The following WEE2 variants were observed in gnomAD, a reference collection of about 807,000 sequenced individuals.
The protein encoded by WEE2 is WEE2 oocyte meiosis inhibiting kinase.
Under a neutral mutation model 60.1 loss-of-function variants are expected in WEE2, and 50 were observed. The observed-to-expected ratio is 0.83, with a 90% CI of 0.66 to 1.05. The LOEUF is 1.05. Ranked by LOEUF, WEE2 falls within the 50% of genes least tolerant of loss-of-function variation. The pLI, the probability that WEE2 is intolerant of heterozygous loss-of-function variation, is 0.00. For missense variants in WEE2, 631 were observed against 684.3 expected (o/e 0.92, Z 0.87); for synonymous variants, 240 against 241.0 (o/e 1.00, Z 0.04).
Position 141,725,115 on chromosome 7 carries a change from T to C in WEE2, c.1311T>C (p.Gly437=). ...AAGAESLPTN[G]AAWHHIRKGN... ...GAGCAGAGTCATTGCCCACCAATGG[T>C]GCTGCATGGCACCATATCCGCAAGG... is the stretch of plus-strand genomic sequence containing the variant. The change falls in exon 9 of 12, where the codon GGT becomes GGC. Residue 437 remains glycine, a synonymous_variant. Transcript: ENST00000397541. 6.2e-7 allele frequency: 1 copy of C among 1,614,216 alleles called. No individual in the cohort carries two copies. The highest frequency in any genetic ancestry group is 1.1e-5 in the South Asian group (1 of 91,086).
chr7:141,716,331 TC>T, intron 3 of WEE2, 64 bp downstream of exon 3: 1 of 1,480,064 alleles, frequency 6.8e-7, no homozygotes. Context: ...TTTCTCTTCT[TC>T]CCCTCCCCTT....
chr7:141,710,271 G>A (rs1171364842), intron 1 of WEE2, among the ~76,000 whole-genome samples: 3 of 152,186 alleles, frequency 2.0e-5, no homozygotes, highest in Admixed American at 6.5e-5. Context: ...GTCAGAACCC[G>A]CTGGACAGAT....
In WEE2 at chr7:141,723,978, C is replaced by T. The variant is rs377624307; in HGVS notation, c.1065C>T (p.Ser355=). ...IFICHKMQSE[S]SGVIEEVENE... ...TTTGTCACAAGATGCAAAGTGAATC[C>T]TCTGGAGTCATAGAAGAAGTTGAAA... Residue 355 remains serine, a synonymous_variant, in exon 7 of 12, where the codon TCC becomes TCT. Transcript: ENST00000397541. 21 of 1,612,524 alleles carry T rather than the reference C, an allele frequency of 1.3e-5. No homozygotes were observed. The African/African-American group carries it at 1.9e-4, about 14-fold the overall frequency.
Position 141,723,231 on chromosome 7 carries a change from C to T in WEE2, c.978C>T (p.Gly326=). The T allele has an allele frequency of 6.2e-7, 1 of 1,614,134 alleles. No homozygotes were observed. Among genetic ancestry groups the T allele is most frequent in the Non-Finnish European group, 8.5e-7 (1 of 1,180,024 alleles). Residue 326 remains glycine (G), a synonymous_variant, in exon 6 of 12, where the codon GGC becomes GGT. Coordinates refer to ENST00000397541, the MANE Select transcript of WEE2 (RefSeq NM_001105558.1). ...LKDILLQISL[G]LNYIHNSSMV... ...ACATCCTTCTACAGATTTCCCTTGG[C>T]CTTAATTACATCCACAACTCTAGCA... is the stretch of plus-strand genomic sequence containing the variant.
intron 9 of WEE2, 43 bp from the exon 10 acceptor site, chr7:141,727,261 T>G: frequency 6.3e-7 from 1 of 1,578,630 alleles, no homozygotes; most frequent in Non-Finnish European, 8.6e-7. Flanking sequence ...TTTTTCCCAA[T>G]AGTGAAGCTT....
rs1293606321 is a variant in WEE2 at position 141,714,317 on chromosome 7, G to C, written c.451G>C (p.Ala151Pro). The change falls in exon 2 of 12, where the codon GCT becomes CCT. Residue 151 changes from alanine (A) to proline (P), a missense_variant. Ala to Pro is a conservative substitution (Grantham distance 27). Transcript: ENST00000397541. ...APLKDEMTSL[A>P]LVNINPFTPE... ...CCTCAAGGATGAGATGACCTCATTG[G>C]CTCTGGTCAATATTAATCCCTTCAC... 2 of 1,613,734 alleles carry C rather than the reference G, an allele frequency of 1.2e-6. No individual in the cohort carries two copies. The highest frequency in any genetic ancestry group is 8.5e-7 in the Non-Finnish European group (1 of 1,179,772).
Position 141,708,820 on chromosome 7 carries a change from A to T in WEE2, c.62A>T (p.Glu21Val), listed in dbSNP as rs376597257. Residue 21 changes from glutamate to valine, a missense_variant, in exon 1 of 12, where the codon GAG becomes GTG. Coordinates refer to ENST00000397541, the MANE Select transcript of WEE2 (RefSeq NM_001105558.1). The stretch of plus-strand genomic sequence containing the variant: ...AAATTAAACTTTTCCTATTGTGAGG[A>T]GACTGAGATTGAAGGGCAGAAGAAA... ...RQKLNFSYCEETEIEGQKKVE... is the reference protein window; with the variant it reads ...RQKLNFSYCEVTEIEGQKKVE... The T allele has an allele frequency of 4.3e-6, 7 of 1,614,038 alleles. No individual in the cohort carries two copies. The South Asian group carries it at 7.7e-5, about 18-fold the overall frequency.
chr7:141,728,047 C>T (rs983666281), intron 10 of WEE2: 1 of 152,260 alleles, frequency 6.6e-6, no homozygotes, highest in African/African-American at 2.4e-5. Context: ...TGGGGCTCAT[C>T]GATTGCACTC....
rs763141138 is a variant in WEE2, at chr7:141,727,402, A to G, written c.1491A>G (p.Gln497=). 2.5e-6 allele frequency: 4 copies of G among 1,614,078 alleles called. No homozygotes were observed. In the Admixed American group the frequency reaches 5.0e-5, roughly 20 times the overall value. The change falls in exon 10 of 12, where the codon CAA becomes CAG. Residue 497 remains glutamine, a synonymous_variant. Transcript: ENST00000397541. Reference sequence around the variant, plus strand: ...CCCTGGGAAAAACAGAAGAGCTCCAACAGCAGCTGAATTTGGAAAAGTTCA... The same window carrying G: ...CCCTGGGAAAAACAGAAGAGCTCCAGCAGCAGCTGAATTTGGAAAAGTTCA... ...RPSLGKTEEL[Q]QQLNLEKFKT...
chr7:141,717,924 G>C (rs1252956027), intron 3 of WEE2, among the ~76,000 whole-genome samples: 5 of 152,088 alleles, frequency 3.3e-5, no homozygotes, highest in Admixed American at 3.3e-4. Flanking sequence ...AGAAGGTCTT[G>C]AGGCTTTCTT....
chr7:141,714,951 A>G (rs1798771778), intron 2 of WEE2, among the ~76,000 whole-genome samples: 1 of 152,204 alleles, frequency 6.6e-6, no homozygotes, highest in Non-Finnish European at 1.5e-5. Flanking sequence ...CATCCAAATA[A>G]GGATTGTGCA....
At chr7:141,717,343 A>T (rs1373188720) in intron 3 of WEE2, among the ~76,000 whole-genome samples, 1 of 152,242 alleles carries the variant, frequency 6.6e-6, no homozygotes, top group Non-Finnish European at 1.5e-5. Context: ...ATCACAGAAA[A>T]GGCGGCCACT....
At chr7:141,726,593 A>G (rs1324550679) in intron 9 of WEE2, among the ~76,000 whole-genome samples, 1 of 152,186 alleles carries the variant, frequency 6.6e-6, no homozygotes, top group Non-Finnish European at 1.5e-5. Flanking sequence ...TTTAGTTGAT[A>G]TTTCAGTACC....
rs201411427 is a variant in WEE2, at chr7:141,716,268, G to A, written c.585+1G>A. The A allele has an allele frequency of 6.2e-7, 1 of 1,612,784 alleles. No individual in the cohort carries two copies. Among genetic ancestry groups the A allele is most frequent in the East Asian group, 2.2e-5 (1 of 44,794 alleles). On this transcript the variant is annotated splice_donor_variant, in intron 3 of 11. Transcript: ENST00000397541. LOFTEE classifies it high-confidence loss of function. Reference sequence around the variant, plus strand: ...AGGCAAGGGAGGGCTGCCTGCCAAGGTAAGCGTAGTTCTTTGTCCCAGCGG... The same window carrying A: ...AGGCAAGGGAGGGCTGCCTGCCAAGATAAGCGTAGTTCTTTGTCCCAGCGG...
At chr7:141,723,430 T>G in intron 6 of WEE2, 150 bp downstream of exon 6, 1 of 926,320 alleles carries the variant, frequency 1.1e-6, no homozygotes, top group Non-Finnish European at 1.6e-6. Context: ...AAAAAATCAG[T>G]TAAATAGTTT....
intron 1 of WEE2, among the ~76,000 whole-genome samples, chr7:141,710,342 G>A (rs969771841): frequency 6.6e-6 from 1 of 152,192 alleles, no homozygotes; most frequent in Non-Finnish European, 1.5e-5. Context: ...AGTTGGTCCA[G>A]TTTTGATATA....
intron 9 of WEE2, among the ~76,000 whole-genome samples, chr7:141,725,656 G>C (rs1799003756): frequency 6.6e-6 from 1 of 151,826 alleles, no homozygotes; most frequent in African/African-American, 2.4e-5. Flanking sequence ...AGGCAGCGGA[G>C]GGGGCGTGGA....
In WEE2 at chr7:141,719,064, T is replaced by C. The variant is rs1406650660; in HGVS notation, c.586-8T>C. 13 of 1,609,442 alleles carry C rather than the reference T, an allele frequency of 8.1e-6. No individual in the cohort carries two copies. The highest frequency in any genetic ancestry group is 1.1e-5 in the Non-Finnish European group (13 of 1,178,014). ...TACTCTAATTTCCTTTTTATTAAAATACTTTAGAGATGTGTTTTACGAGAA... is the reference window on the plus strand; with the variant it reads ...TACTCTAATTTCCTTTTTATTAAAACACTTTAGAGATGTGTTTTACGAGAA... On this transcript the variant is annotated splice_polypyrimidine_tract_variant and splice_region_variant and intron_variant, in intron 3 of 11. Coordinates refer to ENST00000397541, the MANE Select transcript of WEE2 (RefSeq NM_001105558.1).
intron 1 of WEE2, among the ~76,000 whole-genome samples, chr7:141,713,421 C>T (rs1254596645): frequency 1.3e-5 from 2 of 152,126 alleles, no homozygotes; most frequent in East Asian, 1.9e-4. Context: ...CTTTTCCCTT[C>T]GCCCTTTGGT....
Sources: gnomAD v4.1 joint callset for allele counts (sites outside exome capture counted in the v4.1 genomes callset) on GRCh38, gnomAD v4.1.1 for gene constraint, MANE v1.5 for transcripts, NCBI Gene and HGNC (gene_info 2026-07-23, HGNC 2026-07-21) for gene names.